SLC6A16: variants seen among roughly 807,000 people sequenced by gnomAD.
The protein encoded by SLC6A16 is orphan sodium- and chloride-dependent neurotransmitter transporter NTT5.
Under a neutral mutation model 65.4 loss-of-function variants are expected in SLC6A16, and 54 were observed. That is an observed-to-expected ratio of 0.83 (90% CI 0.66 to 1.04). The LOEUF (loss-of-function observed/expected upper bound fraction) is 1.04. SLC6A16 is among the 50% of genes least tolerant of loss of function. SLC6A16 has a pLI of 0.00. For missense variants in SLC6A16, 816 were observed against 914.0 expected (o/e 0.89, Z 1.38); for synonymous variants, 330 against 346.5 (o/e 0.95, Z 0.53).
chr19:49,312,297 C>A (rs1251462940), intron 1 of SLC6A16, among the ~76,000 whole-genome samples: 1 of 152,160 alleles, frequency 6.6e-6, no homozygotes, highest in Non-Finnish European at 1.5e-5. Flanking sequence ...CCTTTCTGAG[C>A]TTTCTAATCT....
At chr19:49,339,778 G>C in the SLC6A16 span, 3 of 1,367,328 alleles carry the variant, frequency 2.2e-6, no homozygotes, top group Non-Finnish European at 2.8e-6. The surrounding 1 kb of genome is among the most constrained non-coding windows in gnomAD (Gnocchi z 4.5). Flanking sequence ...TGACGGCGGC[G>C]GCGGGCACAG....
intron 1 of SLC6A16, among the ~76,000 whole-genome samples, chr19:49,322,070 A>T (rs1970720593): frequency 6.6e-6 from 1 of 152,228 alleles, no homozygotes; most frequent in East Asian, 1.9e-4. Flanking sequence ...ACTTTTATTC[A>T]ACATAGTACT....
intron 1 of SLC6A16, chr19:49,312,470 C>G (rs1229740878): frequency 3.0e-6 from 2 of 666,180 alleles, no homozygotes; most frequent in Non-Finnish European, 3.7e-6. Context: ...CATTGTCCAT[C>G]TCTGCCTACT....
chr19:49,339,615 G>C, the SLC6A16 span: 1 of 1,436,124 alleles, frequency 7.0e-7, no homozygotes, highest in Non-Finnish European at 9.1e-7. The surrounding 1 kb of genome is among the most constrained non-coding windows in gnomAD (Gnocchi z 4.5). Flanking sequence ...CGCAGGGAAA[G>C]CCTCCTGCTA....
intron 10 of SLC6A16, 168 bp downstream of exon 10, chr19:49,293,055 C>G (rs868584026): frequency 5.0e-6 from 3 of 595,778 alleles, no homozygotes; most frequent in African/African-American, 3.7e-5. Context: ...ATATTCAGCA[C>G]CCAAAATATA....
the SLC6A16 span, chr19:49,338,127 C>A: frequency 2.0e-6 from 3 of 1,516,814 alleles, no homozygotes; most frequent in Non-Finnish European, 1.8e-6. The surrounding 1 kb of genome is among the most constrained non-coding windows in gnomAD (Gnocchi z 5.0). Context: ...CCCAGCTCTA[C>A]GATCCTAACA....
intron 1 of SLC6A16, among the ~76,000 whole-genome samples, chr19:49,315,815 C>G (rs1970605548): frequency 6.6e-6 from 1 of 151,556 alleles, no homozygotes; most frequent in African/African-American, 2.4e-5. Flanking sequence ...AAAGATTATA[C>G]TTAATAGTGA....
At chr19:49,304,209 A>G (rs1429109933) in intron 7 of SLC6A16, among the ~76,000 whole-genome samples, 1 of 152,248 alleles carries the variant, frequency 6.6e-6, no homozygotes, top group Non-Finnish European at 1.5e-5. Flanking sequence ...ACTAATGTTA[A>G]GAAAGCCCTA....
intron 1 of SLC6A16, among the ~76,000 whole-genome samples, chr19:49,324,766 A>C (rs954521094): frequency 6.6e-6 from 1 of 152,236 alleles, no homozygotes; most frequent in African/African-American, 2.4e-5. Context: ...GCTTTCCCCA[A>C]AGGCAGGGAC....
At chr19:49,296,143 T>C (rs765387518) in intron 7 of SLC6A16, among the ~76,000 whole-genome samples, 2 of 152,082 alleles carry the variant, frequency 1.3e-5, no homozygotes, top group Non-Finnish European at 2.9e-5. Flanking sequence ...TGCGCCACCA[T>C]GCCCAGCTAA....
At chr19:49,308,653 G>A (rs1368515372) in intron 7 of SLC6A16, 1 of 586,700 alleles carries the variant, frequency 1.7e-6, no homozygotes, top group African/African-American at 1.9e-5. Flanking sequence ...CAATCTCTGA[G>A]TTTGAAGATT....
rs752974704 is a variant in SLC6A16 at position 49,310,066 on chromosome 19, G to A, written c.674C>T (p.Pro225Leu). The A allele has an allele frequency of 6.2e-7, 1 of 1,613,992 alleles. No homozygotes were observed. Among genetic ancestry groups the A allele is most frequent in the Admixed American group, 1.7e-5 (1 of 60,008 alleles). ...FQFPVPWEKC[P>L]LTMNSSGFDP... The stretch of plus-strand genomic sequence containing the variant: ...AAAGCCACTAGAGTTCATCGTTAAG[G>A]GACATTTCTCCCATGGAACGGGAAA... The change falls in exon 4 of 12, where the codon CCC (proline) becomes CTC (leucine). Residue 225 changes from proline to leucine, a missense_variant. Physicochemically the swap from Pro to Leu is moderately conservative, Grantham distance 98 (BLOSUM62 -3). Coordinates refer to ENST00000335875, the MANE Select transcript of SLC6A16 (RefSeq NM_014037.3).
rs559363949 is a variant in SLC6A16, at chr19:49,296,763, C to A, written c.1230-2210G>T. Among the ~76,000 whole-genome samples the A allele has an allele frequency of 1.1e-4, 17 of 152,208 alleles. 1 individual carries two copies. In the East Asian group the frequency reaches 3.3e-3, roughly 29 times the overall value. ...CAGCACTTTTGGAGGCTGAGGCGGG[C>A]AGATCACTTGAGGTCAGGAGTTCGA... On this transcript the variant is annotated intron_variant, in intron 7 of 11. Coordinates refer to ENST00000335875, the MANE Select transcript of SLC6A16 (RefSeq NM_014037.3).
At position 49,325,051 on chromosome 19, in the gene SLC6A16, A is replaced by G; in HGVS notation, c.-68T>C. The G allele has an allele frequency of 1.0e-6, 1 of 985,530 alleles. No individual in the cohort carries two copies. Among genetic ancestry groups the G allele is most frequent in the Non-Finnish European group, 1.2e-6 (1 of 830,020 alleles). The allele number at this position is 985,530 out of a possible 1,614,324, so 61.0% of individuals were successfully genotyped here. On this transcript the variant is annotated 5_prime_UTR_variant, in exon 1 of 12. Transcript: ENST00000335875. ...CTCCCTGGGCCGTGACCCTCACCCT[A>G]GCCCCAAGGCTTCTGCCAGGTTCTT...
chr19:49,294,429 G>C lies in SLC6A16; in HGVS notation c.1354C>G (p.His452Asp), dbSNP rs756352301. ...TCGCGGAGAACCATGCTTTTGATGTGCTGGGGAAGGCCACTGAGCCAGGCA... is the reference window on the plus strand; with the variant it reads ...TCGCGGAGAACCATGCTTTTGATGTCCTGGGGAAGGCCACTGAGCCAGGCA... ...YNAWLSGLPQ[H>D]IKSMVLREVT... Residue 452 changes from histidine to aspartate, a missense_variant, in exon 8 of 12, where the codon CAC becomes GAC. By Grantham distance (81) the His-to-Asp change is moderately conservative. Transcript: ENST00000335875. 1 of 1,614,160 alleles carries C rather than the reference G, an allele frequency of 6.2e-7. No homozygotes were observed. Among genetic ancestry groups the C allele is most frequent in the South Asian group, 1.1e-5 (1 of 91,082 alleles).
At chr19:49,340,265 G>C in the SLC6A16 span, 62 of 1,613,272 alleles carry the variant, frequency 3.8e-5, no homozygotes, top group Non-Finnish European at 4.9e-5. Flanking sequence ...GGTTCATGAC[G>C]CTCTCGATAT....
chr19:49,331,504 T>C, the SLC6A16 span: 1 of 338,076 alleles, frequency 3.0e-6, no homozygotes, highest in Non-Finnish European at 5.9e-6. Flanking sequence ...TTGATATATA[T>C]AGTGTATGCA....
At chr19:49,327,926 A>ACAGAT (rs1358320222), upstream of SLC6A16, among the ~76,000 whole-genome samples, 1 of 152,246 alleles carries the variant, frequency 6.6e-6, no homozygotes, top group African/African-American at 2.4e-5. Flanking sequence ...AAGGGTAGCA[A>ACAGAT]CAGATCAGAT....
Position 49,299,546 on chromosome 19 carries a change from A to AAAGAAAG in SLC6A16, c.1230-4994_1230-4993insCTTTCTT, listed in dbSNP as rs1555775037. ...GGGAGGCTTGGTGTAAAAAAAAAAA[A>AAAGAAAG]AAAGAAAGAAAGAAAGAGAAAGCTG... On this transcript the variant is annotated intron_variant, in intron 7 of 11. Transcript: ENST00000335875. 3.8e-3 allele frequency among the ~76,000 whole-genome samples: 484 copies of AAAGAAAG among 126,404 alleles called. 2 individuals carry two copies. The highest frequency in any genetic ancestry group is 9.2e-3 in the African/African-American group (286 of 31,162). 82.9% of individuals were successfully genotyped at this position (126,404 alleles called of 152,430 possible).
Sources: allele counts gnomAD v4.1 joint callset (sites outside exome capture counted in the v4.1 genomes callset), GRCh38; gene constraint gnomAD v4.1.1; non-coding constraint Gnocchi (gnomAD v3.1); transcripts MANE v1.5; gene names NCBI Gene and HGNC (gene_info 2026-07-23, HGNC 2026-07-21).